Variants in CCN4 observed in about 807,000 individuals in gnomAD.
CCN4 encodes the protein CCN family member 4.
In CCN4, 30 loss-of-function variants were observed where a neutral mutation model predicts 36.7. The observed-to-expected ratio is 0.82, with a 90% confidence interval of 0.61 to 1.11. CCN4 has a LOEUF of 1.11. Among genes scored for constraint, CCN4 ranks in the 50% least tolerant of loss-of-function variants. CCN4 has a pLI of 0.00. For synonymous variants in CCN4, 191 were observed against 195.4 expected, an observed-to-expected ratio of 0.98 and a Z score of 0.19; for missense variants, 505 against 504.9, an observed-to-expected ratio of 1.00 and a Z score of 0.00.
chr8:133,209,379 T>A (rs1853902917), intron 1 of CCN4, among the ~76,000 whole-genome samples: 1 of 151,874 alleles, frequency 6.6e-6, no homozygotes, highest in African/African-American at 2.4e-5. Context: ...GTCCAGAGGG[T>A]TTTCCCCTGC....
intron 1 of CCN4, among the ~76,000 whole-genome samples, chr8:133,202,196 A>C (rs1377435494): frequency 2.6e-5 from 4 of 152,216 alleles, no homozygotes; most frequent in Non-Finnish European, 5.9e-5. Context: ...ATGGGAGAAA[A>C]CCAAAAGGAG....
intron 1 of CCN4, among the ~76,000 whole-genome samples, chr8:133,207,304 T>C (rs1438729051): frequency 3.3e-5 from 5 of 152,238 alleles, no homozygotes; most frequent in Non-Finnish European, 7.3e-5. Context: ...AGCAGGGCAG[T>C]GGGCCGTTAT....
intron 1 of CCN4, among the ~76,000 whole-genome samples, chr8:133,206,196 G>A (rs1013685010): frequency 6.6e-5 from 10 of 152,086 alleles, no homozygotes; most frequent in African/African-American, 2.4e-4. Flanking sequence ...TTGATGTTCT[G>A]GACCAACAGA....
At chr8:133,213,862 TTAAA>T (rs1197596393) in intron 2 of CCN4, among the ~76,000 whole-genome samples, 11 of 135,612 alleles carry the variant, frequency 8.1e-5, no homozygotes, top group African/African-American at 1.4e-4. Context: ...TATATAGTAG[TTAAA>T]TATACTATAC....
chr8:133,202,047 T>G (rs1045215934), intron 1 of CCN4, among the ~76,000 whole-genome samples: 1 of 152,214 alleles, frequency 6.6e-6, no homozygotes, highest in African/African-American at 2.4e-5. Flanking sequence ...GTATTCAGTG[T>G]TTTTTGTTGT....
chr8:133,215,167 T>C (rs1377308381), intron 2 of CCN4, among the ~76,000 whole-genome samples: 1 of 152,230 alleles, frequency 6.6e-6, no homozygotes, highest in African/African-American at 2.4e-5. Context: ...ATCTGATATG[T>C]TGATTATAAA....
At chr8:133,214,259 G>T (rs1237954133) in intron 2 of CCN4, among the ~76,000 whole-genome samples, 1 of 64,188 alleles carries the variant, frequency 1.6e-5, no homozygotes, top group African/African-American at 6.5e-5. Flanking sequence ...TAAGATAGCT[G>T]ATGATTTAGC....
chr8:133,198,487 T>C (rs956460216), intron 1 of CCN4, among the ~76,000 whole-genome samples: 9 of 152,134 alleles, frequency 5.9e-5, no homozygotes, highest in African/African-American at 1.7e-4. Context: ...GTTTTCCCAG[T>C]CTCTTCCTTT....
chr8:133,208,447 C>T (rs1052703341), intron 1 of CCN4, among the ~76,000 whole-genome samples: 2 of 152,166 alleles, frequency 1.3e-5, no homozygotes, highest in East Asian at 1.9e-4. Context: ...CTAACCCTGC[C>T]ATCCTCCTGC....
intron 2 of CCN4, among the ~76,000 whole-genome samples, chr8:133,215,239 A>G (rs1262152652): frequency 6.6e-6 from 1 of 152,162 alleles, no homozygotes; most frequent in African/African-American, 2.4e-5. Context: ...GGGAATGAGG[A>G]TCTAGTCCTT....
Position 133,224,229 on chromosome 8 carries a change from C to CTTTTTTTTTTTTTTT in CCN4, c.611-1146_611-1132dup, listed in dbSNP as rs59929763. The stretch of plus-strand genomic sequence containing the variant: ...GATTTGAATTTGAAGCCCGTAAGTC[C>CTTTTTTTTTTTTTTT]TTTTTTTTTTTTTTTTTTTTTTTTT... On this transcript the variant is annotated intron_variant, in intron 3 of 4. Transcript: ENST00000250160. Among the ~76,000 whole-genome samples, 24 of 88,494 alleles carry CTTTTTTTTTTTTTTT rather than the reference C, an allele frequency of 2.7e-4. 12 individuals are homozygous for CTTTTTTTTTTTTTTT. The highest frequency in any genetic ancestry group is 2.7e-4 in the African/African-American group (6 of 22,448). The allele number at this position is 88,494 out of a possible 152,430, so 58.1% of individuals were successfully genotyped here.
chr8:133,225,519 C>T lies in CCN4; in HGVS notation c.740C>T (p.Pro247Leu). The T allele has an allele frequency of 6.2e-7, 1 of 1,613,934 alleles. No homozygotes were observed. Among genetic ancestry groups the T allele is most frequent in the Non-Finnish European group, 8.5e-7 (1 of 1,179,908 alleles). ...TCCAATGTTAACGCCCAGTGCTGGC[C>T]TGAGCAAGAGAGCCGCCTCTGCAAC... ...RISNVNAQCW[P>L]EQESRLCNLR... Residue 247 changes from proline to leucine, a missense_variant, in exon 4 of 5, where the codon CCT becomes CTT. Coordinates refer to ENST00000250160, the MANE Select transcript of CCN4 (RefSeq NM_003882.4).
At chr8:133,197,578 T>C (rs1274248845) in intron 1 of CCN4, among the ~76,000 whole-genome samples, 1 of 151,954 alleles carries the variant, frequency 6.6e-6, no homozygotes, top group Non-Finnish European at 1.5e-5. Context: ...TCCTCCTCTC[T>C]ATGAAAGAAG....
At chr8:133,226,618 C>T (rs537747120) in intron 4 of CCN4, among the ~76,000 whole-genome samples, 10 of 152,296 alleles carry the variant, frequency 6.6e-5, no homozygotes, top group South Asian at 2.1e-4. Flanking sequence ...CAGCAAAGGT[C>T]GTTAGCTGAG....
chr8:133,201,724 T>A (rs1853592734), intron 1 of CCN4, among the ~76,000 whole-genome samples: 1 of 152,052 alleles, frequency 6.6e-6, no homozygotes. Context: ...GCATCTGTAA[T>A]CCCAGCTACT....
At chr8:133,210,872 C>T (rs1380488103) in intron 1 of CCN4, among the ~76,000 whole-genome samples, 1 of 152,148 alleles carries the variant, frequency 6.6e-6, no homozygotes, top group Non-Finnish European at 1.5e-5. Context: ...AGAAAGGGGC[C>T]CCAGGTGAAA....
At chr8:133,201,060 C>T (rs62514010) in intron 1 of CCN4, among the ~76,000 whole-genome samples, 1,860 of 152,298 alleles carry the variant, frequency 0.012, 14 homozygotes, top group Middle Eastern at 0.024. Context: ...ATCTCATCCT[C>T]GTAGCCCTTA....
chr8:133,213,019 C>A lies in CCN4; in HGVS notation c.225C>A (p.Cys75Ter), dbSNP rs1453892658. Residue 75 changes from cysteine (C) to a stop codon, truncating the protein, a stop_gained, in exon 2 of 5, where the codon TGC becomes TGA. Coordinates refer to ENST00000250160, the MANE Select transcript of CCN4 (RefSeq NM_003882.4). LOFTEE classifies it high-confidence loss of function. ...GCCTCATCACAGATGGCTGTGAGTG[C>A]TGTAAGATGTGCGCTCAGCAGCTTG... is the stretch of plus-strand genomic sequence containing the variant. ...GVSLITDGCECCKMCAQQLGD... is the reference protein window; with the variant it reads ...GVSLITDGCE 1 of 1,614,052 alleles carries A rather than the reference C, an allele frequency of 6.2e-7. No homozygotes were observed. Among genetic ancestry groups the A allele is most frequent in the African/African-American group, 1.3e-5 (1 of 74,940 alleles).
At chr8:133,213,170 C>G in intron 2 of CCN4, 27 bp downstream of exon 2, 1 of 1,577,854 alleles carries the variant, frequency 6.3e-7, no homozygotes, top group Non-Finnish European at 8.7e-7. Flanking sequence ...TACCTTCTGA[C>G]CAGCCCCTGA....
Sources: allele counts gnomAD v4.1 joint callset (sites outside exome capture counted in the v4.1 genomes callset), GRCh38; gene constraint gnomAD v4.1.1; transcripts MANE v1.5; gene names NCBI Gene and HGNC (gene_info 2026-07-23, HGNC 2026-07-21).